Variants in SDK1 observed in about 807,000 individuals in gnomAD.
SDK1 encodes the protein sidekick cell adhesion molecule 1, also known as protein sidekick-1.
A neutral mutation model predicts 245.5 loss-of-function variants in SDK1; 157 were observed. That is an observed-to-expected ratio of 0.64 (90% CI 0.56 to 0.73). The LOEUF (loss-of-function observed/expected upper bound fraction) is 0.73, where lower values mean the gene tolerates loss of function less well. SDK1 is among the 30% of genes least tolerant of loss of function. The pLI, the probability that SDK1 is intolerant of heterozygous loss-of-function variation, is 0.00. For synonymous variants in SDK1, 1,647 were observed against 1,278.5 expected, an observed-to-expected ratio of 1.29 and a Z score of -6.15; for missense variants, 3,583 against 3,002.3, an observed-to-expected ratio of 1.19 and a Z score of -4.52.
At chr7:3,372,485 C>T (rs369024329) in intron 1 of SDK1, among the ~76,000 whole-genome samples, 24 of 152,194 alleles carry the variant, frequency 1.6e-4, no homozygotes, top group East Asian at 9.6e-4. Context: ...CTTCAGAACA[C>T]GCCCTATTGC....
At chr7:3,750,545 T>A (rs1017033496) in intron 4 of SDK1, among the ~76,000 whole-genome samples, 1 of 152,128 alleles carries the variant, frequency 6.6e-6, no homozygotes, top group Non-Finnish European at 1.5e-5. Context: ...CAGAGAGAGA[T>A]TGAGTTCAAC....
At chr7:3,935,051 C>A (rs1303360893) in intron 5 of SDK1, among the ~76,000 whole-genome samples, 23 of 152,256 alleles carry the variant, frequency 1.5e-4, no homozygotes, top group Non-Finnish European at 1.5e-5. Context: ...TCTTTTCTGT[C>A]TGTCTGCCTC....
chr7:3,772,862 T>G (rs1053900747), intron 4 of SDK1, among the ~76,000 whole-genome samples: 6 of 152,142 alleles, frequency 3.9e-5, no homozygotes, highest in Non-Finnish European at 7.4e-5. Context: ...GGTTACAGGG[T>G]TTTGTTTTTG....
In SDK1 at chr7:4,266,969, C is replaced by T; in HGVS notation, c.*1585C>T. On this transcript the variant is annotated 3_prime_UTR_variant, in exon 45 of 45. Transcript: ENST00000404826. ...CCAGTGCCACCCAGGAGCCAGTCTC[C>T]TGGCCACATGCAGAAAGTGTGGCCC... 1.0e-6 allele frequency: 1 copy of T among 985,548 alleles called. No homozygotes were observed. The highest frequency in any genetic ancestry group is 1.2e-6 in the Non-Finnish European group (1 of 830,008). The allele number at this position is 985,548 out of a possible 1,614,324, so 61.1% of individuals were successfully genotyped here.
At chr7:3,844,467 G>A (rs1454555650) in intron 5 of SDK1, among the ~76,000 whole-genome samples, 1 of 152,196 alleles carries the variant, frequency 6.6e-6, no homozygotes, top group Non-Finnish European at 1.5e-5. Context: ...AGCTGGATGG[G>A]CCTTGGATGT....
At chr7:3,673,229 T>G (rs1268622967) in intron 4 of SDK1, among the ~76,000 whole-genome samples, 1 of 152,166 alleles carries the variant, frequency 6.6e-6, no homozygotes, top group Non-Finnish European at 1.5e-5. Flanking sequence ...CTTGATAGAA[T>G]GGAAGTGTAA....
chr7:3,921,286 G>T (rs1779576033), intron 5 of SDK1, among the ~76,000 whole-genome samples: 1 of 152,104 alleles, frequency 6.6e-6, no homozygotes, highest in Non-Finnish European at 1.5e-5. Context: ...TATTTCTGTA[G>T]TATTAACTAT....
intron 1 of SDK1, among the ~76,000 whole-genome samples, chr7:3,604,624 C>CA (rs1440888630): frequency 9.6e-6 from 1 of 104,176 alleles, no homozygotes; most frequent in East Asian, 2.7e-4. Context: ...TTTTTTGAGA[C>CA]AGAGTTTTGC....
chr7:4,185,980 G>C (rs533266013), intron 35 of SDK1, among the ~76,000 whole-genome samples: 260 of 152,234 alleles, frequency 1.7e-3, no homozygotes, highest in African/African-American at 5.8e-3. Context: ...CGGCTCCAGG[G>C]CCCAGGGAGC....
Position 3,594,093 on chromosome 7 carries a change from A to G in SDK1, c.299-24987A>G, listed in dbSNP as rs1439979677. 3.9e-5 allele frequency among the ~76,000 whole-genome samples: 6 copies of G among 152,048 alleles called. No homozygotes were observed. In the East Asian group the frequency reaches 1.2e-3, roughly 29 times the overall value. On this transcript the variant is annotated intron_variant, in intron 1 of 44. Transcript: ENST00000404826. Reference sequence around the variant, plus strand: ...AGAAACCATGTACCTACTAGGAGTCACTCTCTATCTCCTCCTGCCTCTCTG... The same window carrying G: ...AGAAACCATGTACCTACTAGGAGTCGCTCTCTATCTCCTCCTGCCTCTCTG...
intron 4 of SDK1, chr7:3,643,884 A>T (rs1409085086): frequency 1.3e-5 from 2 of 148,250 alleles, no homozygotes; most frequent in East Asian, 3.9e-4. Flanking sequence ...TATTACTATT[A>T]ATAATTATAT....
Position 4,038,635 on chromosome 7 carries a change from A to G in SDK1, c.2603-10713A>G, listed in dbSNP as rs191712350. The stretch of plus-strand genomic sequence containing the variant: ...CACTGGTCCCAAACATGTTGCTGAC[A>G]GTTTCTAATGCACCTTGGCAAAGTG... On this transcript the variant is annotated intron_variant, in intron 17 of 44. Transcript: ENST00000404826. 4.1e-4 allele frequency among the ~76,000 whole-genome samples: 63 copies of G among 152,310 alleles called. 2 individuals are homozygous for G. The East Asian group carries it at 8.3e-3, about 20-fold the overall frequency.
At chr7:3,961,857 TCACA>T (rs1282482438) in intron 8 of SDK1, among the ~76,000 whole-genome samples, 2 of 151,988 alleles carry the variant, frequency 1.3e-5, no homozygotes, top group African/African-American at 2.4e-5. Context: ...ATGCACCACC[TCACA>T]CAGACACACA....
chr7:3,511,652 T>A (rs1239465649), intron 1 of SDK1, among the ~76,000 whole-genome samples: 1 of 152,102 alleles, frequency 6.6e-6, no homozygotes, highest in Non-Finnish European at 1.5e-5. Flanking sequence ...GTGGTAGTAT[T>A]TACCAATTAT....
intron 19 of SDK1, among the ~76,000 whole-genome samples, chr7:4,063,562 C>G (rs761536117): frequency 6.7e-6 from 1 of 149,956 alleles, no homozygotes; most frequent in Non-Finnish European, 1.5e-5. Flanking sequence ...AATGCAATCT[C>G]TATCAAAATA....
chr7:3,796,047 C>A lies in SDK1; in HGVS notation c.714-25403C>A, dbSNP rs73308026. 1.0e-3 allele frequency among the ~76,000 whole-genome samples: 152 copies of A among 152,234 alleles called. 1 individual carries two copies. Among genetic ancestry groups the A allele is most frequent in the African/African-American group, 3.5e-3 (144 of 41,544 alleles). On this transcript the variant is annotated intron_variant, in intron 4 of 44. Coordinates refer to ENST00000404826, the MANE Select transcript of SDK1 (RefSeq NM_152744.4). ...AGCTCAACCAGCCTGCTCTGGAGTT[C>A]GACAATTCTGTGTAGTCTTTCTCTT...
chr7:3,608,006 C>T (rs1781475425), intron 1 of SDK1, among the ~76,000 whole-genome samples: 1 of 152,180 alleles, frequency 6.6e-6, no homozygotes, highest in African/African-American at 2.4e-5. Context: ...ACTTTGTCCC[C>T]TTGTTGAGCT....
intron 2 of SDK1, among the ~76,000 whole-genome samples, chr7:3,626,871 A>G (rs146855474): frequency 4.6e-5 from 7 of 152,290 alleles, no homozygotes; most frequent in Non-Finnish European, 8.8e-5. Context: ...AGTTGGGAAA[A>G]AAACAAATAG....
chr7:4,196,818 A>C (rs1369042222), intron 35 of SDK1, among the ~76,000 whole-genome samples: 2 of 152,156 alleles, frequency 1.3e-5, no homozygotes, highest in Non-Finnish European at 1.5e-5. Context: ...CACGGTACCT[A>C]GTGGAGAAGC....
Sources: allele counts gnomAD v4.1 joint callset (sites outside exome capture counted in the v4.1 genomes callset), GRCh38; gene constraint gnomAD v4.1.1; transcripts MANE v1.5; gene names NCBI Gene and HGNC (gene_info 2026-07-23, HGNC 2026-07-21).